Variants in CASK observed in about 807,000 individuals in gnomAD.
CASK encodes peripheral plasma membrane protein CASK.
Under a neutral mutation model 82.9 loss-of-function variants are expected in CASK, and 4 were observed. That is an observed-to-expected ratio of 0.05 (90% CI 0.02 to 0.11). The LOEUF is 0.11. Ranked by LOEUF, CASK falls within the 10% of genes least tolerant of loss-of-function variation. The pLI is 1.00. For synonymous variants in CASK, 259 were observed against 253.5 expected (o/e 1.02, Z -0.20); for missense variants, 358 against 720.9 (o/e 0.50, Z 5.76).
At chrX:41,864,125 A>T (rs62589211) in intron 1 of CASK, among the ~76,000 whole-genome samples, 7,107 of 111,470 alleles carry the variant, frequency 0.064, 212 homozygotes, top group Non-Finnish European at 0.099. Context: ...TGTTTTAAAG[A>T]TCTCCATAAC....
chrX:41,809,171 T>A (rs973101627), intron 2 of CASK, among the ~76,000 whole-genome samples: 17 of 112,333 alleles, frequency 1.5e-4, no homozygotes, highest in African/African-American at 5.5e-4. Flanking sequence ...GGGCAGGGTA[T>A]AGACAAACGA....
At chrX:41,537,740 T>C (rs997262814) in intron 22 of CASK, among the ~76,000 whole-genome samples, 2 of 109,784 alleles carry the variant, frequency 1.8e-5, no homozygotes, top group Non-Finnish European at 3.8e-5. Context: ...TCAGAGAGTG[T>C]AGACGTGGAA....
chrX:41,637,678 C>G (rs1569358121), intron 8 of CASK, among the ~76,000 whole-genome samples: 2 of 109,487 alleles, frequency 1.8e-5, no homozygotes, highest in African/African-American at 3.3e-5. Context: ...GGGTCTCATT[C>G]TGTCGCCCAG....
intron 13 of CASK, chrX:41,587,703 A>G (rs759842019): frequency 8.1e-4 from 91 of 112,116 alleles, no homozygotes; most frequent in African/African-American, 2.9e-3. Context: ...GGTAAAATTG[A>G]TTGTTTTCAA....
chrX:41,874,463 T>G (rs2071773496), intron 1 of CASK, among the ~76,000 whole-genome samples: 1 of 112,131 alleles, frequency 8.9e-6, no homozygotes, highest in African/African-American at 3.3e-5. Flanking sequence ...CTGAGGATAA[T>G]GGCTTCCACC....
At chrX:41,834,543 C>T (rs929984951) in intron 2 of CASK, among the ~76,000 whole-genome samples, 1 of 111,174 alleles carries the variant, frequency 9.0e-6, no homozygotes, top group Non-Finnish European at 1.9e-5. Flanking sequence ...CTCCTTCCCC[C>T]AGGCCTTCCC....
intron 11 of CASK, among the ~76,000 whole-genome samples, chrX:41,613,705 A>G (rs2066144676): frequency 9.0e-6 from 1 of 110,612 alleles, no homozygotes; most frequent in South Asian, 3.8e-4. Context: ...CAGTTACGAT[A>G]AAAAACCAAA....
intron 25 of CASK, among the ~76,000 whole-genome samples, chrX:41,526,333 T>C (rs1317788224): frequency 8.9e-6 from 1 of 111,747 alleles, no homozygotes; most frequent in Non-Finnish European, 1.9e-5. Flanking sequence ...CTCTAAGTGC[T>C]AGATGGAAGT....
intron 5 of CASK, chrX:41,728,217 G>A (rs2068304000): frequency 6.2e-6 from 2 of 320,695 alleles, no homozygotes; most frequent in Non-Finnish European, 1.1e-5. Context: ...TATACTGAAC[G>A]TTGAGATGGC....
At chrX:41,727,784 T>C in intron 5 of CASK, 2 of 1,205,569 alleles carry the variant, frequency 1.7e-6, no homozygotes, top group African/African-American at 3.5e-5. Flanking sequence ...CATCTTTTGG[T>C]CATCCAGATT....
chrX:41,642,387 C>T (rs1424645545), intron 8 of CASK, among the ~76,000 whole-genome samples: 1 of 112,048 alleles, frequency 8.9e-6, no homozygotes. Flanking sequence ...TCCTATTTCT[C>T]CACATCCTCT....
At chrX:41,912,147 C>G (rs1003495960) in intron 1 of CASK, among the ~76,000 whole-genome samples, 6 of 107,106 alleles carry the variant, frequency 5.6e-5, no homozygotes, top group Admixed American at 1.0e-4. Context: ...GAACAGAAAA[C>G]CAAACACTGC....
At chrX:41,645,002 C>T (rs995249281) in intron 8 of CASK, among the ~76,000 whole-genome samples, 2 of 111,597 alleles carry the variant, frequency 1.8e-5, no homozygotes, top group African/African-American at 3.3e-5. Flanking sequence ...CCTGTGATCT[C>T]GCCTTGCCTC....
At chrX:41,773,132 C>T (rs2069278143) in intron 3 of CASK, among the ~76,000 whole-genome samples, 1 of 110,408 alleles carries the variant, frequency 9.1e-6, no homozygotes, top group South Asian at 3.9e-4. Flanking sequence ...TACCTATAAT[C>T]CCAACACTCT....
intron 2 of CASK, among the ~76,000 whole-genome samples, chrX:41,852,537 T>A (rs2147970302): frequency 8.9e-6 from 1 of 111,863 alleles, no homozygotes; most frequent in East Asian, 2.8e-4. Flanking sequence ...GTTTACGTAC[T>A]GTTTATAAAT....
At chrX:41,528,700 AG>A (rs2064750333) in intron 25 of CASK, among the ~76,000 whole-genome samples, 1 of 112,065 alleles carries the variant, frequency 8.9e-6, no homozygotes, top group African/African-American at 3.3e-5. Flanking sequence ...GATACAGTAG[AG>A]GGGTCATCTA....
chrX:41,728,936 T>C (rs2068317371), intron 5 of CASK: 1 of 124,975 alleles, frequency 8.0e-6, no homozygotes. Flanking sequence ...AAGCAGATGA[T>C]ACTTATAAAA....
chrX:41,665,800 G>C (rs2067106942), intron 6 of CASK: 1 of 179,983 alleles, frequency 5.6e-6, no homozygotes. Context: ...ATATAGAGCA[G>C]AGGCAGGTGA....
chrX:41,795,331 A>G (rs2069829275), intron 2 of CASK, among the ~76,000 whole-genome samples: 1 of 112,195 alleles, frequency 8.9e-6, no homozygotes, highest in African/African-American at 3.2e-5. Flanking sequence ...TTGCCATTTC[A>G]TCAAATTTGG....
Sources: gnomAD v4.1 joint callset for allele counts (sites outside exome capture counted in the v4.1 genomes callset) on GRCh38, gnomAD v4.1.1 for gene constraint, MANE v1.5 for transcripts, NCBI Gene and HGNC (gene_info 2026-07-23, HGNC 2026-07-21) for gene names.